Variants in DIS3L2 observed in about 807,000 individuals in gnomAD.
DIS3L2 encodes the protein DIS3-like exonuclease 2.
A neutral mutation model predicts 97.5 loss-of-function variants in DIS3L2; 34 were observed. That is an observed-to-expected ratio of 0.35 (90% confidence interval 0.27 to 0.46). The LOEUF (loss-of-function observed/expected upper bound fraction) is 0.46, where lower values mean the gene tolerates loss of function less well. Ranked by LOEUF, DIS3L2 falls within the 20% of genes least tolerant of loss-of-function variation. DIS3L2 has a pLI of 1.00. For missense variants in DIS3L2, 1,038 were observed against 1,146.0 expected, an observed-to-expected ratio of 0.91 and a Z score of 1.36; for synonymous variants, 435 against 445.2, an observed-to-expected ratio of 0.98 and a Z score of 0.29.
intron 10 of DIS3L2, among the ~76,000 whole-genome samples, chr2:232,217,523 G>A (rs978588618): frequency 1.5e-4 from 23 of 152,194 alleles, no homozygotes; most frequent in Admixed American, 7.2e-4. Context: ...ACTGCCTCAC[G>A]CTTCTGATGC....
At chr2:232,266,542 G>A (rs79901447) in intron 13 of DIS3L2, among the ~76,000 whole-genome samples, 3 of 152,110 alleles carry the variant, frequency 2.0e-5, no homozygotes, top group Non-Finnish European at 4.4e-5. Flanking sequence ...TGGTTCCCCC[G>A]AAAACAAGTC....
intron 6 of DIS3L2, among the ~76,000 whole-genome samples, chr2:232,113,708 A>C (rs369009283): frequency 1.3e-5 from 2 of 152,218 alleles, no homozygotes; most frequent in Admixed American, 1.3e-4. Context: ...CCTCCAAGCT[A>C]TCCTTGTTCA....
rs959663332 is a variant in DIS3L2, at chr2:232,293,969, C to T, written c.1660-6071C>T. Among the ~76,000 whole-genome samples, 1 of 152,162 alleles carries T rather than the reference C, an allele frequency of 6.6e-6. No individual in the cohort carries two copies. Reference sequence around the variant, plus strand: ...CAAATTACACAAGGGCAGTAGAGGGCCCGGAGGTGGCAGGGACCAGGCCTG... The same window carrying T: ...CAAATTACACAAGGGCAGTAGAGGGTCCGGAGGTGGCAGGGACCAGGCCTG... On this transcript the variant is annotated intron_variant, in intron 13 of 20. Transcript: ENST00000325385. The surrounding 1 kb of genome is among the most constrained non-coding windows in gnomAD (Gnocchi z 4.6).
At chr2:232,027,979 T>C (rs1694706029) in intron 4 of DIS3L2, among the ~76,000 whole-genome samples, 1 of 152,192 alleles carries the variant, frequency 6.6e-6, no homozygotes, top group African/African-American at 2.4e-5. Context: ...GTTTCTATTC[T>C]GAATTATGTA....
Position 232,334,639 on chromosome 2 carries a change from C to A in DIS3L2, c.2298C>A (p.Gly766=), listed in dbSNP as rs774880708. 10 of 1,607,660 alleles carry A rather than the reference C, an allele frequency of 6.2e-6. No homozygotes were observed. The East Asian group carries it at 2.3e-4, about 36-fold the overall frequency. Residue 766 remains glycine (G), a synonymous_variant, in exon 19 of 21, where the codon GGC becomes GGA. Coordinates refer to ENST00000325385, the MANE Select transcript of DIS3L2 (RefSeq NM_152383.5). ...LFFAVLVKES[G]PLESEAMVMG... is the part of the protein sequence containing the mutation. ...CAGCACTGTCCCTGCAGGAGAGTGG[C>A]CCCCTGGAGTCAGAAGCCATGGTGA...
At chr2:232,076,544 A>G (rs1469502432) in intron 5 of DIS3L2, among the ~76,000 whole-genome samples, 1 of 152,092 alleles carries the variant, frequency 6.6e-6, no homozygotes, top group East Asian at 1.9e-4. Flanking sequence ...GCACCTTTCC[A>G]TCTTTATTGC....
At chr2:232,165,939 C>T (rs1574919916) in intron 9 of DIS3L2, among the ~76,000 whole-genome samples, 2 of 151,966 alleles carry the variant, frequency 1.3e-5, no homozygotes, top group Non-Finnish European at 2.9e-5. Context: ...AAATAATAAG[C>T]ATGTTAGTAG....
rs1696700115 is a variant in DIS3L2, at chr2:232,087,551, A to C, written c.431A>C (p.Glu144Ala). ...EAAYESDIPE[E>A]LCGHHLPQQS... ...GCGTATGAATCAGATATCCCCGAGG[A>C]GCTCTGTGGACACCATCTCCCGCAA... is the stretch of plus-strand genomic sequence containing the variant. The change falls in exon 6 of 21, where the codon GAG (glutamate) becomes GCG (alanine). Residue 144 changes from glutamate (E) to alanine (A), a missense_variant. Glu to Ala is a moderately radical substitution (Grantham distance 107, BLOSUM62 -1). Transcript: ENST00000325385. The C allele has an allele frequency of 6.2e-7, 1 of 1,613,894 alleles. No individual in the cohort carries two copies. Among genetic ancestry groups the C allele is most frequent in the Admixed American group, 1.7e-5 (1 of 59,966 alleles).
In DIS3L2 at chr2:232,068,801, T is replaced by A. The variant is rs549560072; in HGVS notation, c.367-18686T>A. ...TTGATTTTCTGAAATGGTCTGCAAA[T>A]TGAGCTTATTTTTAATTTTAATTTT... On this transcript the variant is annotated intron_variant, in intron 5 of 20. Coordinates refer to ENST00000325385, the MANE Select transcript of DIS3L2 (RefSeq NM_152383.5). 2.0e-5 allele frequency among the ~76,000 whole-genome samples: 3 copies of A among 152,006 alleles called. No homozygotes were observed. The South Asian group carries it at 6.2e-4, about 32-fold the overall frequency.
At chr2:232,317,435 C>T (rs1226746579) in intron 14 of DIS3L2, among the ~76,000 whole-genome samples, 4 of 151,968 alleles carry the variant, frequency 2.6e-5, no homozygotes, top group African/African-American at 4.8e-5. Context: ...TCTATTTTGG[C>T]GGGGTGGGGA....
chr2:232,317,510 C>G (rs1219432224), intron 14 of DIS3L2, among the ~76,000 whole-genome samples: 1 of 152,178 alleles, frequency 6.6e-6, no homozygotes, highest in African/African-American at 2.4e-5. Context: ...GATCTCTGCT[C>G]ACTGTAACCT....
rs2106348138 is a variant in DIS3L2, at chr2:232,329,945, C to T, written c.1872C>T (p.Phe624=). The T allele has an allele frequency of 6.2e-7, 1 of 1,613,244 alleles. No individual in the cohort carries two copies. ...GGATGCTCAGTGACCTGGTGGAATT[C>T]TGCGACCAGATGGGGCTGCCCGTGG... ...QTRMLSDLVE[F]CDQMGLPVDF... is the part of the protein sequence containing the mutation. The change falls in exon 15 of 21, where the codon TTC becomes TTT. Residue 624 remains phenylalanine (F), a synonymous_variant. Transcript: ENST00000325385.
At chr2:232,128,919 T>A (rs573337355) in intron 6 of DIS3L2, among the ~76,000 whole-genome samples, 23 of 152,350 alleles carry the variant, frequency 1.5e-4, no homozygotes, top group African/African-American at 5.5e-4. Flanking sequence ...AATGTAACTT[T>A]GTCTGAACAA....
chr2:232,107,462 G>A (rs1697386120), intron 6 of DIS3L2, among the ~76,000 whole-genome samples: 1 of 152,202 alleles, frequency 6.6e-6, no homozygotes, highest in Non-Finnish European at 1.5e-5. Flanking sequence ...CCCTTTGGGA[G>A]CCTGAGGTGG....
chr2:232,334,120 G>A, intron 17 of DIS3L2, 133 bp downstream of exon 17: 1 of 1,401,624 alleles, frequency 7.1e-7, no homozygotes, highest in Non-Finnish European at 9.4e-7. Context: ...CCCAAGTGCA[G>A]GGGAGCCTGG....
At position 232,276,424 on chromosome 2, in the gene DIS3L2, C is replaced by T. The variant is rs1467571209; in HGVS notation, c.1659+12984C>T. On this transcript the variant is annotated intron_variant, in intron 13 of 20. Coordinates refer to ENST00000325385, the MANE Select transcript of DIS3L2 (RefSeq NM_152383.5). The surrounding 1 kb of genome is among the most constrained non-coding windows in gnomAD (Gnocchi z 4.4). Reference sequence around the variant, plus strand: ...ACAGCTGAGCTCACCTCGAGGGGAGCAGAGCTCCTATCTTTCCTGGACCCT... The same window carrying T: ...ACAGCTGAGCTCACCTCGAGGGGAGTAGAGCTCCTATCTTTCCTGGACCCT... Among the ~76,000 whole-genome samples the T allele has an allele frequency of 6.6e-6, 1 of 152,232 alleles. No individual in the cohort carries two copies. Among genetic ancestry groups the T allele is most frequent in the African/African-American group, 2.4e-5 (1 of 41,460 alleles).
intron 20 of DIS3L2, chr2:232,336,169 TG>T: frequency 6.5e-7 from 1 of 1,533,188 alleles, no homozygotes; most frequent in Non-Finnish European, 8.8e-7. Flanking sequence ...ATGAAAGCTA[TG>T]AGTTTACACC....
At chr2:232,317,732 T>C (rs1695316451) in intron 14 of DIS3L2, among the ~76,000 whole-genome samples, 1 of 152,170 alleles carries the variant, frequency 6.6e-6, no homozygotes, top group Non-Finnish European at 1.5e-5. Context: ...CCACCACTCC[T>C]AGCCTCTTCT....
intron 9 of DIS3L2, among the ~76,000 whole-genome samples, chr2:232,176,822 T>A (rs190610239): frequency 0.045 from 6,788 of 150,446 alleles, 496 homozygotes; most frequent in African/African-American, 0.15. Flanking sequence ...TTTTAAATTA[T>A]ACTTTAAGTT....
Sources: gnomAD v4.1 joint callset for allele counts (sites outside exome capture counted in the v4.1 genomes callset) on GRCh38, gnomAD v4.1.1 for gene constraint, Gnocchi (gnomAD v3.1) non-coding constraint, MANE v1.5 for transcripts, NCBI Gene and HGNC (gene_info 2026-07-23, HGNC 2026-07-21) for gene names.